Variants in PDGFD observed in about 807,000 individuals in gnomAD.
PDGFD encodes the protein platelet derived growth factor D.
A neutral mutation model predicts 44.7 loss-of-function variants in PDGFD; 30 were observed. The observed-to-expected ratio is 0.67, with a 90% CI of 0.50 to 0.91. The LOEUF is 0.91. PDGFD is among the 40% of genes least tolerant of loss of function. The probability of loss-of-function intolerance (pLI) is 0.00; values close to 1 mark genes in which losing one functional copy is unlikely to be tolerated. For synonymous variants in PDGFD, 173 were observed against 168.4 expected (o/e 1.03, Z -0.21); for missense variants, 445 against 457.8 (o/e 0.97, Z 0.25).
chr11:103,925,602 T>C (rs1858295718), intron 6 of PDGFD, among the ~76,000 whole-genome samples: 2 of 150,108 alleles, frequency 1.3e-5, no homozygotes, highest in South Asian at 4.2e-4. Context: ...TAATTAGAGC[T>C]GCTGCCTATG....
chr11:104,073,873 T>C (rs1170740186), intron 1 of PDGFD, among the ~76,000 whole-genome samples: 1 of 152,226 alleles, frequency 6.6e-6, no homozygotes, highest in Non-Finnish European at 1.5e-5. Flanking sequence ...GCAAACGAGT[T>C]ATTTTTAATT....
intron 3 of PDGFD, among the ~76,000 whole-genome samples, chr11:103,966,494 A>G (rs1265719191): frequency 2.0e-5 from 3 of 152,200 alleles, no homozygotes; most frequent in Non-Finnish European, 4.4e-5. Flanking sequence ...ATAAACTTTT[A>G]TAGAAGATAA....
chr11:104,070,106 T>C (rs1231394600), intron 1 of PDGFD, among the ~76,000 whole-genome samples: 2 of 152,192 alleles, frequency 1.3e-5, no homozygotes, highest in Non-Finnish European at 2.9e-5. Flanking sequence ...ACATAATTTC[T>C]CTTCATCTTT....
At chr11:104,000,311 C>CA (rs1859601608) in intron 1 of PDGFD, 56 bp from the exon 2 acceptor site, 5 of 1,423,998 alleles carry the variant, frequency 3.5e-6, no homozygotes, top group Middle Eastern at 2.1e-4. Context: ...ACAGGAAAGT[C>CA]AAAAAAAGAG....
intron 1 of PDGFD, among the ~76,000 whole-genome samples, chr11:104,036,181 G>C (rs750594190): frequency 6.6e-6 from 1 of 152,174 alleles, no homozygotes; most frequent in Non-Finnish European, 1.5e-5. Context: ...GCTCACACCT[G>C]TAATTCCAGC....
rs1565341004 is a variant in PDGFD at position 104,119,543 on chromosome 11, ATAATATATTGATATAATATATAATATAT to A, written c.124+44233_124+44260del. Among the ~76,000 whole-genome samples, 18 of 89,570 alleles carry A rather than the reference ATAATATATTGATATAATATATAATATAT, an allele frequency of 2.0e-4. 1 individual carries two copies. Among genetic ancestry groups the A allele is most frequent in the East Asian group, 8.0e-4 (2 of 2,486 alleles). The allele number at this position is 89,570 out of a possible 152,430, so 58.8% of individuals were successfully genotyped here. On this transcript the variant is annotated intron_variant, in intron 1 of 6. Transcript: ENST00000393158. ...ATAATATATTGATATAATATATAAT[ATAATATATTGATATAATATATAATATAT>A]TAATATAATATATTGATATAATATA... is the stretch of plus-strand genomic sequence containing the variant.
intron 1 of PDGFD, among the ~76,000 whole-genome samples, chr11:104,149,957 T>C (rs1862218433): frequency 6.6e-6 from 1 of 152,184 alleles, no homozygotes; most frequent in African/African-American, 2.4e-5. Context: ...ACTGTGGTCA[T>C]TGTACTTACA....
chr11:104,134,346 A>G (rs544666665), intron 1 of PDGFD, among the ~76,000 whole-genome samples: 66 of 152,302 alleles, frequency 4.3e-4, no homozygotes, highest in African/African-American at 1.5e-3. Context: ...CCCATTAATC[A>G]CAGTTAAAAT....
intron 1 of PDGFD, among the ~76,000 whole-genome samples, chr11:104,095,624 CTT>C (rs1861273837): frequency 8.9e-6 from 1 of 112,736 alleles, no homozygotes; most frequent in African/African-American, 3.2e-5. Context: ...AGGAAAGAGA[CTT>C]ATTTTTTGGA....
intron 3 of PDGFD, among the ~76,000 whole-genome samples, chr11:103,957,240 G>A (rs969990153): frequency 6.6e-6 from 1 of 152,146 alleles, no homozygotes; most frequent in African/African-American, 2.4e-5. Context: ...TCTGTATAAG[G>A]TGTAAGGAAG....
intron 1 of PDGFD, among the ~76,000 whole-genome samples, chr11:104,154,802 CTT>C (rs1565350173): frequency 6.6e-6 from 1 of 152,160 alleles, no homozygotes; most frequent in African/African-American, 2.4e-5. Flanking sequence ...CAGAGTCTAA[CTT>C]TGCAGTTTCT....
In PDGFD at chr11:104,139,807, G is replaced by A. The variant is rs1399789699; in HGVS notation, c.124+23997C>T. 1.5e-4 allele frequency among the ~76,000 whole-genome samples: 3 copies of A among 19,818 alleles called. 1 individual carries two copies. The highest frequency in any genetic ancestry group is 1.1e-3 in the African/African-American group (2 of 1,868). 13.0% of individuals were successfully genotyped at this position (19,818 alleles called of 152,430 possible). On this transcript the variant is annotated intron_variant, in intron 1 of 6. Transcript: ENST00000393158. Reference sequence around the variant, plus strand: ...AATCCCAGCACTTTGGGAGGCCGAGGCGGGTGGATCATGAGGTCAGGAGAT... The same window carrying A: ...AATCCCAGCACTTTGGGAGGCCGAGACGGGTGGATCATGAGGTCAGGAGAT...
At chr11:104,033,385 C>A (rs1328322028) in intron 1 of PDGFD, among the ~76,000 whole-genome samples, 2 of 152,086 alleles carry the variant, frequency 1.3e-5, no homozygotes, top group Admixed American at 6.6e-5. Context: ...GATGACAGCT[C>A]ATTGGCCAGA....
intron 1 of PDGFD, among the ~76,000 whole-genome samples, chr11:104,142,092 A>C (rs1452572887): frequency 6.6e-6 from 1 of 152,186 alleles, no homozygotes; most frequent in Admixed American, 6.5e-5. Flanking sequence ...CTGCCATATT[A>C]ATGATAATAC....
intron 1 of PDGFD, among the ~76,000 whole-genome samples, chr11:104,118,809 A>T (rs7342218): frequency 4.4e-3 from 219 of 49,452 alleles, no homozygotes; most frequent in African/African-American, 0.013. Flanking sequence ...ATTAATATAT[A>T]ATATATTATA....
At chr11:104,085,794 T>A (rs1861120173) in intron 1 of PDGFD, among the ~76,000 whole-genome samples, 1 of 152,174 alleles carries the variant, frequency 6.6e-6, no homozygotes, top group Non-Finnish European at 1.5e-5. Context: ...ATAGTGCATG[T>A]TGCATTATCT....
intron 1 of PDGFD, among the ~76,000 whole-genome samples, chr11:104,103,462 G>GTGTGTGTATA (rs1041388346): frequency 1.7e-4 from 22 of 133,262 alleles, no homozygotes; most frequent in African/African-American, 4.4e-4. Context: ...GTGTGTGTGT[G>GTGTGTGTATA]TATATATATA....
intron 1 of PDGFD, among the ~76,000 whole-genome samples, chr11:104,086,937 A>G (rs535946558): frequency 9.9e-5 from 15 of 151,524 alleles, no homozygotes; most frequent in African/African-American, 2.6e-4. Flanking sequence ...CGTTAGAATC[A>G]GTGGTCTTTA....
chr11:104,136,875 A>T (rs991434625), intron 1 of PDGFD, among the ~76,000 whole-genome samples: 35 of 152,094 alleles, frequency 2.3e-4, no homozygotes, highest in Non-Finnish European at 1.8e-4. Context: ...ATTTGGGTCA[A>T]CTCCCTTGAA....
Sources: gnomAD v4.1 joint callset for allele counts (sites outside exome capture counted in the v4.1 genomes callset) on GRCh38, gnomAD v4.1.1 for gene constraint, MANE v1.5 for transcripts, NCBI Gene and HGNC (gene_info 2026-07-23, HGNC 2026-07-21) for gene names.